XRCC3: variants seen among roughly 807,000 people sequenced by gnomAD.
XRCC3 encodes DNA repair protein XRCC3.
Under a neutral mutation model 29.2 loss-of-function variants are expected in XRCC3, and 34 were observed. That is an observed-to-expected ratio of 1.16 (90% CI 0.88 to 1.55). The LOEUF is 1.55. Ranked by LOEUF, XRCC3 falls within the 40% of genes most tolerant of loss-of-function variation. XRCC3 has a pLI of 0.00. For synonymous variants in XRCC3, 223 were observed against 211.3 expected (o/e 1.06, Z -0.48); for missense variants, 463 against 467.6 (o/e 0.99, Z 0.09).
In XRCC3 at chr14:103,708,619, T is replaced by C; in HGVS notation, c.96A>G (p.Gly32=). 6.2e-7 allele frequency: 1 copy of C among 1,614,188 alleles called. No individual in the cohort carries two copies. The highest frequency in any genetic ancestry group is 8.5e-7 in the Non-Finnish European group (1 of 1,180,032). Residue 32 remains glycine, a synonymous_variant, in exon 5 of 10, where the codon GGA becomes GGG. Coordinates refer to ENST00000555055, the MANE Select transcript of XRCC3 (RefSeq NM_005432.4). The part of the protein sequence containing the change: ...KSVKEVLHFS[G]PDLKRLTNLS... ...GGTTGGTCAGTCTCTTCAAGTCTGG[T>C]CCAGAAAAGTGTAAAACCTCCTTTA...
intron 6 of XRCC3, 100 bp downstream of exon 6, chr14:103,706,903 G>A (rs1341151535): frequency 1.5e-6 from 2 of 1,299,024 alleles, no homozygotes. Flanking sequence ...GGTAGGAACA[G>A]CGCAAGAGGC....
intron 7 of XRCC3, 115 bp downstream of exon 7, chr14:103,703,058 G>A: frequency 6.7e-7 from 1 of 1,483,436 alleles, no homozygotes; most frequent in Non-Finnish European, 9.1e-7. Context: ...GTTCAGAGCT[G>A]AGCCCCAACT....
In XRCC3 at chr14:103,707,162, T is replaced by G. The variant is rs987650208; in HGVS notation, c.247A>C (p.Ser83Arg). The G allele has an allele frequency of 1.9e-6, 3 of 1,549,438 alleles. No individual in the cohort carries two copies. The African/African-American group carries it at 4.1e-5, about 21-fold the overall frequency. ...ERFPTQHQRL[S>R]LGCPVLDALL... ...GCGTCCAGCACCGGGCAGCCCAGGC[T>G]CAGGCGCTGGTGCTGCGTGGGGAAC... is the stretch of plus-strand genomic sequence containing the variant. Residue 83 changes from serine to arginine, a missense_variant, in exon 6 of 10, where the codon AGC (serine) becomes CGC (arginine). Physicochemically the swap from Ser to Arg is moderately radical, Grantham distance 110. Transcript: ENST00000555055.
At chr14:103,703,148 G>A in intron 7 of XRCC3, 25 bp downstream of exon 7, 1 of 1,558,958 alleles carries the variant, frequency 6.4e-7, no homozygotes, top group South Asian at 1.2e-5. Flanking sequence ...CCTTGGGGGT[G>A]TCATGGGGCT....
Position 103,698,938 on chromosome 14 carries a change from G to T in XRCC3, c.901C>A (p.Leu301Ile), listed in dbSNP as rs1370563802. ...QLLVRLLADR[L>I]REEEAALGCP... Reference sequence around the variant, plus strand: ...CCGAGGGCAGCCTCTTCCTCGCGGAGCCGGTCAGCCAGCAGTCTCACCAGG... The same window carrying T: ...CCGAGGGCAGCCTCTTCCTCGCGGATCCGGTCAGCCAGCAGTCTCACCAGG... The change falls in exon 10 of 10, where the codon CTC (leucine) becomes ATC (isoleucine). Residue 301 changes from leucine (L) to isoleucine (I), a missense_variant. Transcript: ENST00000555055. 1 of 1,600,584 alleles carries T rather than the reference G, an allele frequency of 6.2e-7. No homozygotes were observed. Among genetic ancestry groups the T allele is most frequent in the Non-Finnish European group, 8.5e-7 (1 of 1,173,804 alleles).
In XRCC3 at chr14:103,697,738, G is replaced by A. The variant is rs1032372623; in HGVS notation, c.*1060C>T. On this transcript the variant is annotated 3_prime_UTR_variant, in exon 10 of 10. Transcript: ENST00000555055. ...TCAAGGGGGTCACCACTGTGCCCAT[G>A]GGGAGGCCACGCCACTCTGCCTGCT... 1.3e-5 allele frequency: 2 copies of A among 152,294 alleles called. No homozygotes were observed. Among genetic ancestry groups the A allele is most frequent in the East Asian group, 1.9e-4 (1 of 5,204 alleles). The allele number at this position is 152,294 out of a possible 1,614,324, so 9.4% of individuals were successfully genotyped here.
intron 1 of XRCC3, chr14:103,713,390 G>A (rs1173271616): frequency 6.6e-6 from 1 of 152,460 alleles, no homozygotes; most frequent in African/African-American, 2.4e-5. Flanking sequence ...TCTCGCCGCT[G>A]TGAGGGGCAG....
intron 4 of XRCC3, 100 bp from the exon 5 acceptor site, chr14:103,708,759 C>T (rs1358899272): frequency 8.1e-6 from 12 of 1,487,166 alleles, no homozygotes; most frequent in East Asian, 4.7e-5. Context: ...GTGAGAGCAC[C>T]GTGCTTCCGA....
rs752714158 is a variant in XRCC3 at position 103,699,387 on chromosome 14, T to TGCTGTG, written c.750_751insCACAGC (p.Gln250_Ser251insHisSer). 6.2e-7 allele frequency: 1 copy of TGCTGTG among 1,610,558 alleles called. No homozygotes were observed. The highest frequency in any genetic ancestry group is 8.5e-7 in the Non-Finnish European group (1 of 1,179,126). The stretch of plus-strand genomic sequence containing the variant: ...ACCTGGTTGATGCACAGCACAGGGC[T>TGCTGTG]CTGGAAGGCACTGCTCAGCTCACGC... On this transcript the variant is annotated inframe_insertion, in exon 8 of 10. Coordinates refer to ENST00000555055, the MANE Select transcript of XRCC3 (RefSeq NM_005432.4).
chr14:103,714,481 AAAG>A (rs1235007831), intron 1 of XRCC3, among the ~76,000 whole-genome samples: 1 of 151,956 alleles, frequency 6.6e-6, no homozygotes, highest in African/African-American at 2.4e-5. Context: ...AAAAAAAAAA[AAAG>A]AAAAATAGCT....
In XRCC3 at chr14:103,698,794, C is replaced by A; in HGVS notation, c.*4G>T. 6.3e-7 allele frequency: 1 copy of A among 1,590,434 alleles called. No individual in the cohort carries two copies. Among genetic ancestry groups the A allele is most frequent in the East Asian group, 2.3e-5 (1 of 43,752 alleles). The stretch of plus-strand genomic sequence containing the variant: ...GGCAGGGCTGTTGTGCAGCCGCCAC[C>A]GTGTCAGTGGGACTGGGTCCCAGGT... On this transcript the variant is annotated 3_prime_UTR_variant, in exon 10 of 10. Transcript: ENST00000555055.
intron 7 of XRCC3, chr14:103,701,320 C>A: frequency 9.1e-7 from 1 of 1,099,772 alleles, no homozygotes; most frequent in South Asian, 1.4e-5. Flanking sequence ...ACTCATTTCT[C>A]CTGCGTCTGT....
chr14:103,707,443 C>A, intron 5 of XRCC3: 1 of 613,268 alleles, frequency 1.6e-6, no homozygotes, highest in Non-Finnish European at 2.9e-6. Context: ...GCCACCATCA[C>A]ATGCCCGCAG....
At chr14:103,703,142 G>C (rs1423673004) in intron 7 of XRCC3, 31 bp downstream of exon 7, 2 of 1,556,304 alleles carry the variant, frequency 1.3e-6, no homozygotes, top group Non-Finnish European at 1.7e-6. Flanking sequence ...AGCTTGCCTT[G>C]GGGGTGTCAT....
intron 4 of XRCC3, 59 bp downstream of exon 4, chr14:103,710,974 G>T: frequency 6.3e-7 from 1 of 1,575,916 alleles, no homozygotes; most frequent in Non-Finnish European, 8.7e-7. Context: ...TTGTTAACCT[G>T]CCTTATATAA....
At chr14:103,706,577 C>T (rs1030034334) in intron 6 of XRCC3, 3 of 379,512 alleles carry the variant, frequency 7.9e-6, no homozygotes, top group South Asian at 2.0e-5. Flanking sequence ...GTTTCACAGA[C>T]AGAGCGTACA....
At chr14:103,708,328 C>A (rs2083510033) in intron 5 of XRCC3, 194 bp downstream of exon 5, 2 of 814,190 alleles carry the variant, frequency 2.5e-6, no homozygotes, top group East Asian at 5.4e-5. Context: ...CCTCACGCAT[C>A]TTCTGACCCG....
intron 4 of XRCC3, chr14:103,710,633 C>T (rs1209795090): frequency 2.8e-5 from 5 of 180,444 alleles, no homozygotes; most frequent in African/African-American, 9.7e-5. Flanking sequence ...CCCAGCTACT[C>T]GGGAGGCTGA....
intron 4 of XRCC3, chr14:103,710,706 C>T (rs867262089): frequency 3.0e-4 from 94 of 313,822 alleles, no homozygotes; most frequent in African/African-American, 1.9e-3. Flanking sequence ...CGCACCACTG[C>T]ACTCAAGCCT....
Sources: gnomAD v4.1 joint callset for allele counts (sites outside exome capture counted in the v4.1 genomes callset) on GRCh38, gnomAD v4.1.1 for gene constraint, MANE v1.5 for transcripts, NCBI Gene and HGNC (gene_info 2026-07-23, HGNC 2026-07-21) for gene names.